The following ZNF567 variants were observed in gnomAD, a reference collection of about 807,000 sequenced individuals.
The protein encoded by ZNF567 is zinc finger protein 567.
ZNF567 carries 36 observed loss-of-function variants against 53.9 expected under a neutral mutation model. The ratio of observed to expected loss-of-function variants is 0.67; its 90% CI spans 0.51 to 0.88. The LOEUF (loss-of-function observed/expected upper bound fraction) is 0.88. Ranked by LOEUF, ZNF567 falls within the 40% of genes least tolerant of loss-of-function variation. ZNF567 has a pLI of 0.00. For synonymous variants in ZNF567, 224 were observed against 260.4 expected (o/e 0.86, Z 1.35); for missense variants, 619 against 764.7 (o/e 0.81, Z 2.25).
intron 5 of ZNF567, among the ~76,000 whole-genome samples, chr19:36,714,056 C>G (rs2039921278): frequency 6.6e-6 from 1 of 152,184 alleles, no homozygotes; most frequent in South Asian, 2.1e-4. Flanking sequence ...TCTTTTAGAT[C>G]TTTTTTATTA....
intron 3 of ZNF567, among the ~76,000 whole-genome samples, chr19:36,709,330 A>G (rs2039656226): frequency 6.6e-6 from 1 of 152,230 alleles, no homozygotes; most frequent in Non-Finnish European, 1.5e-5. Flanking sequence ...AAATAGCAGA[A>G]GACATTCCCT....
intron 2 of ZNF567, among the ~76,000 whole-genome samples, chr19:36,691,992 T>G (rs2038641382): frequency 6.6e-6 from 1 of 152,234 alleles, no homozygotes; most frequent in Non-Finnish European, 1.5e-5. Flanking sequence ...TGCTTCATTC[T>G]TCTTAGTATA....
In ZNF567 at chr19:36,719,637, G is replaced by C. The variant is rs1382114621; in HGVS notation, c.913G>C (p.Gly305Arg). 2 of 1,613,966 alleles carry C rather than the reference G, an allele frequency of 1.2e-6. No homozygotes were observed. The highest frequency in any genetic ancestry group is 1.7e-6 in the Non-Finnish European group (2 of 1,179,900). ...YLIDHQRTHT[G>R]EKPFVCNECG... ...CATTGATCATCAGAGAACTCACACAGGAGAGAAACCCTTTGTTTGCAATGA... is the reference window on the plus strand; with the variant it reads ...CATTGATCATCAGAGAACTCACACACGAGAGAAACCCTTTGTTTGCAATGA... The change falls in exon 6 of 6, where the codon GGA becomes CGA. Residue 305 changes from glycine to arginine, a missense_variant. Coordinates refer to ENST00000682579, the MANE Select transcript of ZNF567 (RefSeq NM_001322917.1).
the ZNF567 span, among the ~76,000 whole-genome samples, chr19:36,680,784 T>C: frequency 6.6e-6 from 1 of 152,190 alleles, no homozygotes; most frequent in Non-Finnish European, 1.5e-5. Flanking sequence ...TTGACATTCC[T>C]GGCCCCATCA....
In ZNF567 at chr19:36,720,734, C is replaced by A; in HGVS notation, c.*66C>A. The A allele has an allele frequency of 1.5e-6, 2 of 1,331,452 alleles. No homozygotes were observed. The highest frequency in any genetic ancestry group is 2.0e-6 in the Non-Finnish European group (2 of 991,358). The allele number at this position is 1,331,452 out of a possible 1,614,324, so 82.5% of individuals were successfully genotyped here. The stretch of plus-strand genomic sequence containing the variant: ...AAACATTTAGTTTTAAAAAGAAAAG[C>A]ATGCTGAAACATGTTAATGTAATTT... On this transcript the variant is annotated 3_prime_UTR_variant, in exon 6 of 6. Coordinates refer to ENST00000682579, the MANE Select transcript of ZNF567 (RefSeq NM_001322917.1).
the ZNF567 span, among the ~76,000 whole-genome samples, chr19:36,670,326 G>T: frequency 1.3e-5 from 2 of 152,150 alleles, no homozygotes; most frequent in Non-Finnish European, 2.9e-5. Flanking sequence ...ACTGAGGGCT[G>T]TTATGGTGGG....
chr19:36,708,017 T>G (rs2039588178), intron 3 of ZNF567, among the ~76,000 whole-genome samples: 1 of 152,158 alleles, frequency 6.6e-6, no homozygotes. Flanking sequence ...CACCTCAGTC[T>G]CCAGTGTAGC....
At chr19:36,684,627 C>A (rs2038233712), upstream of ZNF567, among the ~76,000 whole-genome samples, 1 of 152,106 alleles carries the variant, frequency 6.6e-6, no homozygotes. Flanking sequence ...TGTTAACCAA[C>A]CTCTTCACGA....
chr19:36,667,731 G>T, the ZNF567 span, among the ~76,000 whole-genome samples: 21 of 145,766 alleles, frequency 1.4e-4, no homozygotes, highest in South Asian at 2.2e-4. Context: ...CTCACTGCAA[G>T]CTCCGCCTCC....
intron 2 of ZNF567, 129 bp from the exon 3 acceptor site, chr19:36,694,669 ATATT>A: frequency 2.0e-6 from 1 of 507,604 alleles, no homozygotes; most frequent in Admixed American, 4.0e-5. Flanking sequence ...TGTCCCATCT[ATATT>A]TATGTGGCAT....
At chr19:36,691,513 T>C (rs952650302) in intron 2 of ZNF567, among the ~76,000 whole-genome samples, 1 of 152,212 alleles carries the variant, frequency 6.6e-6, no homozygotes. Flanking sequence ...TTATATTCTA[T>C]CTTTTATCTA....
At chr19:36,673,071 G>C in the ZNF567 span, among the ~76,000 whole-genome samples, 2 of 140,562 alleles carry the variant, frequency 1.4e-5, no homozygotes, top group East Asian at 1.9e-4. Flanking sequence ...CTTTATATTA[G>C]AGTATTTAAA....
At position 36,719,717 on chromosome 19, in the gene ZNF567, C is replaced by T. The variant is rs2040226223; in HGVS notation, c.993C>T (p.His331=). 1 of 1,613,824 alleles carries T rather than the reference C, an allele frequency of 6.2e-7. No individual in the cohort carries two copies. Among genetic ancestry groups the T allele is most frequent in the South Asian group, 1.1e-5 (1 of 91,064 alleles). Residue 331 remains histidine (H), a synonymous_variant, in exon 6 of 6, where the codon CAC becomes CAT. Coordinates refer to ENST00000682579, the MANE Select transcript of ZNF567 (RefSeq NM_001322917.1). The part of the protein sequence containing the change: ...KTALTDHQRT[H]TGEKSYECLQ... ...CCCTCACTGATCATCAGAGAACACACACAGGGGAGAAATCGTATGAATGTC... is the reference window on the plus strand; with the variant it reads ...CCCTCACTGATCATCAGAGAACACATACAGGGGAGAAATCGTATGAATGTC...
chr19:36,694,905 GA>G, intron 3 of ZNF567, 29 bp downstream of exon 3: 1 of 1,457,082 alleles, frequency 6.9e-7, no homozygotes. Flanking sequence ...TCTCCTTTCT[GA>G]AAGTCTTTTT....
chr19:36,667,613 C>A, the ZNF567 span, among the ~76,000 whole-genome samples: 21 of 149,058 alleles, frequency 1.4e-4, no homozygotes, highest in South Asian at 4.3e-4. Flanking sequence ...ACAACAACAA[C>A]AAAAAACTGT....
At chr19:36,697,667 CAGT>C (rs2085310813) in intron 3 of ZNF567, among the ~76,000 whole-genome samples, 2 of 148,906 alleles carry the variant, frequency 1.3e-5, no homozygotes, top group African/African-American at 5.0e-5. Flanking sequence ...GGCTGGAGTG[CAGT>C]GGTGGATCTC....
downstream of ZNF567, among the ~76,000 whole-genome samples, chr19:36,723,546 AC>A: frequency 6.6e-6 from 1 of 152,250 alleles, no homozygotes; most frequent in African/African-American, 2.4e-5. Context: ...AAACTTTGAA[AC>A]TTTTGAGGCT....
At chr19:36,700,013 GA>G (rs2039091375) in intron 3 of ZNF567, among the ~76,000 whole-genome samples, 1 of 104,046 alleles carries the variant, frequency 9.6e-6, no homozygotes, top group South Asian at 3.8e-4. Flanking sequence ...TTTTCAAAGG[GA>G]ATGCTTCCAG....
chr19:36,674,360 A>G, the ZNF567 span, among the ~76,000 whole-genome samples: 4 of 152,220 alleles, frequency 2.6e-5, no homozygotes, highest in African/African-American at 9.6e-5. Flanking sequence ...GAGCATGACA[A>G]AGACTTCTAG....
Sources: allele counts gnomAD v4.1 joint callset (sites outside exome capture counted in the v4.1 genomes callset), GRCh38; gene constraint gnomAD v4.1.1; transcripts MANE v1.5; gene names NCBI Gene and HGNC (gene_info 2026-07-23, HGNC 2026-07-21).